The following ZNF365 variants were observed in gnomAD, a reference collection of about 807,000 sequenced individuals.
ZNF365 encodes the protein zinc finger protein 365, also known as protein ZNF365.
In ZNF365, 22 loss-of-function variants were observed where a neutral mutation model predicts 35.0. The ratio of observed to expected loss-of-function variants is 0.63; its 90% CI spans 0.45 to 0.90. The LOEUF (loss-of-function observed/expected upper bound fraction) is 0.90, where lower values mean the gene tolerates loss of function less well. ZNF365 is among the 40% of genes least tolerant of loss of function. ZNF365 has a pLI of 0.00. For synonymous variants in ZNF365, 188 were observed against 196.2 expected (o/e 0.96, Z 0.35); for missense variants, 448 against 500.3 (o/e 0.90, Z 1.00).
chr10:62,419,607 G>A (rs1480045784), intron 3 of ZNF365, among the ~76,000 whole-genome samples: 3 of 152,024 alleles, frequency 2.0e-5, no homozygotes, highest in African/African-American at 4.8e-5. Flanking sequence ...TTTAGCTATT[G>A]AGCGTGGATT....
At chr10:62,387,552 C>T (rs922245521) in intron 2 of ZNF365, among the ~76,000 whole-genome samples, 1 of 152,020 alleles carries the variant, frequency 6.6e-6, no homozygotes, top group African/African-American at 2.4e-5. Flanking sequence ...GATTTGTAAT[C>T]TACTTGTGAA....
In ZNF365 at chr10:62,376,239, T is replaced by G. The variant is rs1267965569; in HGVS notation, c.46T>G (p.Ser16Ala). ...FEESRYPWQE[S>A]FENVAVCLPL... ...GGAAAGCAGATATCCCTGGCAGGAG[T>G]CCTTTGAGAATGTTGCTGTGTGCCT... Residue 16 changes from serine to alanine, a missense_variant, in exon 2 of 5, where the codon TCC becomes GCC. Ser to Ala is a moderately conservative substitution (Grantham distance 99). Coordinates refer to ENST00000395254, the MANE Select transcript of ZNF365 (RefSeq NM_014951.3). 1.2e-6 allele frequency: 2 copies of G among 1,613,516 alleles called. No homozygotes were observed. Among genetic ancestry groups the G allele is most frequent in the African/African-American group, 2.7e-5 (2 of 74,710 alleles).
intron 3 of ZNF365, among the ~76,000 whole-genome samples, chr10:62,391,670 G>T (rs1024178833): frequency 3.9e-5 from 6 of 152,210 alleles, no homozygotes; most frequent in African/African-American, 1.4e-4. Flanking sequence ...ATTTGGGCTG[G>T]TTCAGTATTT....
chr10:62,398,227 G>A (rs528418548), intron 3 of ZNF365, among the ~76,000 whole-genome samples: 1 of 152,286 alleles, frequency 6.6e-6, no homozygotes, highest in Admixed American at 6.5e-5. Context: ...AGTGGATAAA[G>A]AAAATGTGGT....
At position 62,393,539 on chromosome 10, in the gene ZNF365, C is replaced by T. The variant is rs997552419; in HGVS notation, c.924+4963C>T. On this transcript the variant is annotated intron_variant, in intron 3 of 4. Coordinates refer to ENST00000395254, the MANE Select transcript of ZNF365 (RefSeq NM_014951.3). ...ATATGCAGTCTGTCGTTGACTGAAA[C>T]ATTGTTTTTTAGTACATGACTGTGT... Among the ~76,000 whole-genome samples the T allele has an allele frequency of 5.9e-5, 9 of 152,208 alleles. No individual in the cohort carries two copies. In the East Asian group the frequency reaches 1.7e-3, roughly 29 times the overall value.
intron 3 of ZNF365, among the ~76,000 whole-genome samples, chr10:62,446,458 G>C (rs1344709377): frequency 1.3e-5 from 2 of 152,144 alleles, no homozygotes; most frequent in Non-Finnish European, 2.9e-5. Context: ...ATATGTAAAG[G>C]GAATAGCATT....
intron 3 of ZNF365, among the ~76,000 whole-genome samples, chr10:62,434,413 C>T (rs1048769526): frequency 6.6e-6 from 1 of 152,094 alleles, no homozygotes; most frequent in Non-Finnish European, 1.5e-5. Flanking sequence ...GTATACTTAA[C>T]CTCAGGTGCT....
At chr10:62,397,236 CAAG>C (rs1839743494) in intron 3 of ZNF365, among the ~76,000 whole-genome samples, 3 of 151,844 alleles carry the variant, frequency 2.0e-5, no homozygotes, top group Admixed American at 2.0e-4. Context: ...AGACAGAACA[CAAG>C]AATCCTATCT....
Position 62,402,414 on chromosome 10 carries a change from T to C in ZNF365, c.*2625T>C, listed in dbSNP as rs1323895743. The C allele has an allele frequency of 1.0e-6, 1 of 984,750 alleles. No homozygotes were observed. The highest frequency in any genetic ancestry group is 1.7e-5 in the African/African-American group (1 of 57,242). 61.0% of individuals were successfully genotyped at this position (984,750 alleles called of 1,614,324 possible). Reference sequence around the variant, plus strand: ...CAGAATTAAAGAAGTTTTTAGATTATGAAATATTATGATAATAAAGCTATA... The same window carrying C: ...CAGAATTAAAGAAGTTTTTAGATTACGAAATATTATGATAATAAAGCTATA... On this transcript the variant is annotated 3_prime_UTR_variant, in exon 5 of 5. Transcript: ENST00000395254.
chr10:62,425,610 C>G (rs772519642), intron 3 of ZNF365, among the ~76,000 whole-genome samples: 1 of 152,148 alleles, frequency 6.6e-6, no homozygotes, highest in Non-Finnish European at 1.5e-5. Flanking sequence ...CTGTCCCTTC[C>G]CCAGATTTTC....
At chr10:62,447,067 A>G (rs1564593217) in intron 3 of ZNF365, among the ~76,000 whole-genome samples, 3 of 152,208 alleles carry the variant, frequency 2.0e-5, no homozygotes, top group Admixed American at 6.5e-5. Context: ...AGGGTGTATT[A>G]TCTCCTAATG....
chr10:62,399,381 T>A, intron 4 of ZNF365, 147 bp from the exon 5 acceptor site: 2 of 1,203,584 alleles, frequency 1.7e-6, no homozygotes, highest in Non-Finnish European at 1.1e-6. Flanking sequence ...AGAAAAATAC[T>A]CATATTATGA....
At chr10:62,386,195 G>T (rs1839523434) in intron 2 of ZNF365, among the ~76,000 whole-genome samples, 1 of 152,202 alleles carries the variant, frequency 6.6e-6, no homozygotes, top group African/African-American at 2.4e-5. Flanking sequence ...GCTAGTTAAA[G>T]TTTGTGGCTC....
At chr10:62,465,013 G>T (rs528174333) in intron 4 of ZNF365, among the ~76,000 whole-genome samples, 33 of 152,320 alleles carry the variant, frequency 2.2e-4, no homozygotes, top group African/African-American at 7.5e-4. Context: ...GTGCTCCCGG[G>T]TGCAGATGCA....
At chr10:62,407,726 G>A (rs1056009594) in intron 3 of ZNF365, among the ~76,000 whole-genome samples, 1 of 152,148 alleles carries the variant, frequency 6.6e-6, no homozygotes, top group African/African-American at 2.4e-5. Flanking sequence ...CTTATCAGTA[G>A]GTATTTTAAT....
At chr10:62,385,274 G>A (rs1277053482) in intron 2 of ZNF365, among the ~76,000 whole-genome samples, 1 of 152,082 alleles carries the variant, frequency 6.6e-6, no homozygotes, top group Admixed American at 6.5e-5. Context: ...CTCAGCTTCA[G>A]GGCACAAGAT....
At chr10:62,393,257 G>T (rs1839666640) in intron 3 of ZNF365, among the ~76,000 whole-genome samples, 1 of 152,172 alleles carries the variant, frequency 6.6e-6, no homozygotes, top group African/African-American at 2.4e-5. Context: ...AACAGGTACA[G>T]TCTAAAATAG....
At chr10:62,387,332 A>C (rs1226295774) in intron 2 of ZNF365, among the ~76,000 whole-genome samples, 2 of 152,106 alleles carry the variant, frequency 1.3e-5, no homozygotes, top group Non-Finnish European at 2.9e-5. Flanking sequence ...GATGAGTTTG[A>C]TGTTCATGAG....
chr10:62,457,903 AC>A (rs1367436298), intron 3 of ZNF365, among the ~76,000 whole-genome samples: 5 of 152,162 alleles, frequency 3.3e-5, no homozygotes, highest in Non-Finnish European at 7.4e-5. Flanking sequence ...CATGCAAATG[AC>A]TTTCTTTTCA....
Sources: allele counts gnomAD v4.1 joint callset (sites outside exome capture counted in the v4.1 genomes callset), GRCh38; gene constraint gnomAD v4.1.1; transcripts MANE v1.5; gene names NCBI Gene and HGNC (gene_info 2026-07-23, HGNC 2026-07-21).